Variants in NALF1 observed in about 807,000 individuals in gnomAD.
NALF1 encodes NALCN channel auxiliary factor 1, also known as family with sequence similarity 155 member A.
A neutral mutation model predicts 48.4 loss-of-function variants in NALF1; 3 were observed. The ratio of observed to expected loss-of-function variants is 0.06; its 90% CI spans 0.03 to 0.16. The LOEUF is 0.16. NALF1 is among the 10% of genes least tolerant of loss of function. NALF1 has a pLI of 1.00. For synonymous variants in NALF1, 262 were observed against 245.7 expected, an observed-to-expected ratio of 1.07 and a Z score of -0.62; for missense variants, 526 against 571.5, an observed-to-expected ratio of 0.92 and a Z score of 0.81.
At chr13:107,677,928 G>T (rs1362174861) in intron 1 of NALF1, among the ~76,000 whole-genome samples, 1 of 152,184 alleles carries the variant, frequency 6.6e-6, no homozygotes, top group Non-Finnish European at 1.5e-5. Context: ...GTTTAGAGAG[G>T]CAGCTTCTTA....
intron 1 of NALF1, among the ~76,000 whole-genome samples, chr13:107,683,536 C>A (rs1463285628): frequency 3.3e-5 from 5 of 152,198 alleles, no homozygotes. Context: ...AGCATTAGGT[C>A]TTCCTGTTTT....
chr13:107,420,709 T>A (rs1884171099), intron 1 of NALF1, among the ~76,000 whole-genome samples: 1 of 152,210 alleles, frequency 6.6e-6, no homozygotes, highest in East Asian at 1.9e-4. Context: ...TTTCTATTTA[T>A]TTATTTAAGC....
intron 1 of NALF1, among the ~76,000 whole-genome samples, chr13:107,412,907 T>C (rs1365726018): frequency 3.3e-5 from 5 of 152,160 alleles, no homozygotes; most frequent in Admixed American, 2.6e-4. Flanking sequence ...AAAATAAATA[T>C]GATTTTGTGG....
chr13:107,481,546 AGTTT>A (rs1156853769), intron 1 of NALF1, among the ~76,000 whole-genome samples: 2 of 152,310 alleles, frequency 1.3e-5, no homozygotes, highest in East Asian at 1.9e-4. Context: ...TTTATAGTTG[AGTTT>A]GTTAGTGAGT....
At chr13:107,434,137 T>C (rs1884426629) in intron 1 of NALF1, among the ~76,000 whole-genome samples, 1 of 152,220 alleles carries the variant, frequency 6.6e-6, no homozygotes, top group Non-Finnish European at 1.5e-5. Context: ...ACAACTGTCA[T>C]ATTCTGAATA....
At chr13:107,577,491 C>CA (rs57817439) in intron 1 of NALF1, among the ~76,000 whole-genome samples, 151,344 of 152,228 alleles carry the variant, frequency 0.99, 75,237 homozygotes, top group East Asian at 1. Context: ...CCCAAATTAT[C>CA]AAGTCAGTAG....
Position 107,170,545 on chromosome 13 carries a change from G to C in NALF1, c.1329C>G (p.Ser443Arg), listed in dbSNP as rs763719391. The C allele has an allele frequency of 6.2e-7, 1 of 1,612,922 alleles. No individual in the cohort carries two copies. The highest frequency in any genetic ancestry group is 2.2e-5 in the East Asian group (1 of 44,852). ...ASAAQNTAGL[S>R]FGGINTLEEN... is the part of the protein sequence containing the mutation. ...CTTCCAGCGTGTTGATGCCTCCAAA[G>C]CTCAGTCCGGCTGTGTTCTGTGCTG... Residue 443 changes from serine (S) to arginine (R), a missense_variant, in exon 3 of 3, where the codon AGC (serine) becomes AGG (arginine). Ser to Arg is a moderately radical substitution (Grantham distance 110). Around this residue, in one of 2 missense-constraint regions of NALF1, gnomAD observed 153 missense variants for 215.9 expected, o/e 0.71. Transcript: ENST00000375915.
intron 1 of NALF1, among the ~76,000 whole-genome samples, chr13:107,493,693 G>A (rs973103935): frequency 7.2e-5 from 11 of 151,964 alleles, no homozygotes; most frequent in Non-Finnish European, 1.2e-4. Flanking sequence ...CCTGGGCAAC[G>A]TGGTGAAATC....
chr13:107,359,920 T>C (rs1031153213), intron 1 of NALF1, among the ~76,000 whole-genome samples: 1 of 152,174 alleles, frequency 6.6e-6, no homozygotes, highest in Non-Finnish European at 1.5e-5. Flanking sequence ...TCCACTGTCA[T>C]GATAAAACTT....
intron 1 of NALF1, among the ~76,000 whole-genome samples, chr13:107,404,745 G>T (rs1257714908): frequency 1.3e-5 from 2 of 151,996 alleles, no homozygotes; most frequent in African/African-American, 4.8e-5. Flanking sequence ...GCATTTTTCA[G>T]AACTATATTC....
chr13:107,184,865 C>T (rs1312270188), intron 2 of NALF1, among the ~76,000 whole-genome samples: 5 of 152,130 alleles, frequency 3.3e-5, no homozygotes, highest in African/African-American at 1.2e-4. Flanking sequence ...GTCTCCAAAA[C>T]GATATGTTAA....
chr13:107,391,760 C>T (rs1883631343), intron 1 of NALF1, among the ~76,000 whole-genome samples: 1 of 152,040 alleles, frequency 6.6e-6, no homozygotes, highest in South Asian at 2.1e-4. Context: ...ACCCGCCCTG[C>T]CCCCGCTTTG....
chr13:107,696,859 C>G (rs184490723), intron 1 of NALF1, among the ~76,000 whole-genome samples: 12 of 152,230 alleles, frequency 7.9e-5, no homozygotes, highest in Admixed American at 2.6e-4. Flanking sequence ...TGCCTTTACC[C>G]TACCCTACAT....
chr13:107,468,625 C>G (rs183058007), intron 1 of NALF1, among the ~76,000 whole-genome samples: 1 of 152,034 alleles, frequency 6.6e-6, no homozygotes, highest in African/African-American at 2.4e-5. Flanking sequence ...TTTAAAGCTC[C>G]GGATATAAAA....
chr13:107,177,583 A>G (rs1365277509), intron 2 of NALF1, among the ~76,000 whole-genome samples: 2 of 152,206 alleles, frequency 1.3e-5, no homozygotes, highest in East Asian at 3.8e-4. Flanking sequence ...ACCCAAAAAC[A>G]AATCCACACA....
At chr13:107,618,770 G>A (rs1019952943) in intron 1 of NALF1, among the ~76,000 whole-genome samples, 7 of 152,276 alleles carry the variant, frequency 4.6e-5, no homozygotes, top group East Asian at 3.9e-4. Context: ...TTAGGGATAC[G>A]AGGGATATTG....
chr13:107,315,324 C>A (rs565109943), intron 1 of NALF1, among the ~76,000 whole-genome samples: 1 of 152,150 alleles, frequency 6.6e-6, no homozygotes, highest in East Asian at 1.9e-4. Context: ...TAAATATTAC[C>A]TTCTAATACT....
chr13:107,529,772 G>A (rs1021250475), intron 1 of NALF1, among the ~76,000 whole-genome samples: 5 of 151,996 alleles, frequency 3.3e-5, no homozygotes, highest in Non-Finnish European at 5.9e-5. Flanking sequence ...AGAGAGGAAC[G>A]GGCATCACCT....
chr13:107,268,165 T>C (rs566653366), intron 1 of NALF1, among the ~76,000 whole-genome samples: 4 of 152,066 alleles, frequency 2.6e-5, no homozygotes, highest in Admixed American at 6.5e-5. Flanking sequence ...AATTTTTGTA[T>C]TTTTAGTAGA....
Sources: allele counts gnomAD v4.1 joint callset (sites outside exome capture counted in the v4.1 genomes callset), GRCh38; gene constraint gnomAD v4.1.1; regional missense constraint gnomAD v4.1.1; transcripts MANE v1.5; gene names NCBI Gene and HGNC (gene_info 2026-07-23, HGNC 2026-07-21).